Variants in VWA8 observed in about 807,000 individuals in gnomAD.
The protein encoded by VWA8 is von Willebrand factor A domain containing 8.
VWA8 carries 221 observed loss-of-function variants against 241.5 expected under a neutral mutation model. That is an observed-to-expected ratio of 0.91 (90% CI 0.82 to 1.02). The LOEUF (loss-of-function observed/expected upper bound fraction) is 1.02, where lower values mean the gene tolerates loss of function less well. Ranked by LOEUF, VWA8 falls within the 50% of genes least tolerant of loss-of-function variation. The pLI is 0.00. For missense variants in VWA8, 2,322 were observed against 2,328.7 expected, an observed-to-expected ratio of 1.00 and a Z score of 0.06; for synonymous variants, 852 against 827.1, an observed-to-expected ratio of 1.03 and a Z score of -0.52.
At chr13:41,636,030 C>G (rs2044754291) in intron 37 of VWA8, among the ~76,000 whole-genome samples, 1 of 152,124 alleles carries the variant, frequency 6.6e-6, no homozygotes, top group South Asian at 2.1e-4. Context: ...CATCTTAAAT[C>G]AAAGCCGAAT....
chr13:41,856,480 GAA>G (rs1300158231), intron 12 of VWA8, among the ~76,000 whole-genome samples: 2 of 152,146 alleles, frequency 1.3e-5, no homozygotes, highest in African/African-American at 4.8e-5. Context: ...TTTCCAAATG[GAA>G]AGAGTATTCA....
intron 37 of VWA8, among the ~76,000 whole-genome samples, chr13:41,628,923 C>T (rs1025614672): frequency 3.9e-5 from 6 of 152,078 alleles, no homozygotes; most frequent in African/African-American, 9.7e-5. Context: ...CGCCTGTAGT[C>T]CCAGCTACTC....
intron 4 of VWA8, among the ~76,000 whole-genome samples, chr13:41,897,925 C>G (rs1875201889): frequency 6.6e-6 from 1 of 152,104 alleles, no homozygotes; most frequent in African/African-American, 2.4e-5. Flanking sequence ...TTGGTAGAGC[C>G]GAGTGGTCTG....
At chr13:41,671,406 T>C (rs2045022723) in intron 36 of VWA8, among the ~76,000 whole-genome samples, 1 of 152,122 alleles carries the variant, frequency 6.6e-6, no homozygotes, top group African/African-American at 2.4e-5. Context: ...CCAGAAAGAC[T>C]ATTTTAAGAA....
At chr13:41,834,298 T>C (rs986564133) in intron 12 of VWA8, among the ~76,000 whole-genome samples, 1 of 152,250 alleles carries the variant, frequency 6.6e-6, no homozygotes, top group African/African-American at 2.4e-5. Context: ...CTAATGTGGA[T>C]AGTTTCTTTT....
At chr13:41,849,661 G>A (rs573156924) in intron 12 of VWA8, among the ~76,000 whole-genome samples, 67 of 152,330 alleles carry the variant, frequency 4.4e-4, no homozygotes, top group Non-Finnish European at 7.5e-4. Context: ...GGCCGAGGCC[G>A]GTGGATCATG....
intron 22 of VWA8, among the ~76,000 whole-genome samples, 195 bp downstream of exon 22, chr13:41,731,885 G>C (rs547647736): frequency 6.6e-6 from 1 of 152,122 alleles, no homozygotes; most frequent in Non-Finnish European, 1.5e-5. Flanking sequence ...GTGATGGTGA[G>C]GCCTCCAGAG....
chr13:41,889,092 C>T lies in VWA8; in HGVS notation c.652-1731G>A, dbSNP rs964215466. Among the ~76,000 whole-genome samples, 11 of 152,208 alleles carry T rather than the reference C, an allele frequency of 7.2e-5. No homozygotes were observed. The South Asian group carries it at 2.1e-3, about 29-fold the overall frequency. On this transcript the variant is annotated intron_variant, in intron 5 of 44. Transcript: ENST00000379310. ...TTCTACTATAATCACCTTTATGAAA[C>T]CAATAACATTTTTGAGATATTAAAT... is the stretch of plus-strand genomic sequence containing the variant.
intron 26 of VWA8, among the ~76,000 whole-genome samples, chr13:41,705,006 T>G (rs555422426): frequency 1.3e-5 from 2 of 152,328 alleles, no homozygotes; most frequent in African/African-American, 4.8e-5. Context: ...ATATGCTTAA[T>G]AAGATCATGT....
chr13:41,630,122 A>T (rs2044716889), intron 37 of VWA8, among the ~76,000 whole-genome samples: 1 of 152,142 alleles, frequency 6.6e-6, no homozygotes, highest in Admixed American at 6.5e-5. Flanking sequence ...GTGGGTTGGG[A>T]GCATATGAGG....
At chr13:41,863,643 T>C (rs1214061802) in intron 12 of VWA8, among the ~76,000 whole-genome samples, 2 of 151,174 alleles carry the variant, frequency 1.3e-5, no homozygotes, top group African/African-American at 4.9e-5. Flanking sequence ...CATGCAGCCA[T>C]AAAAAGGAAG....
chr13:41,856,913 T>C (rs139074616), intron 12 of VWA8, among the ~76,000 whole-genome samples: 137 of 152,192 alleles, frequency 9.0e-4, no homozygotes, highest in Non-Finnish European at 1.5e-3. Context: ...CAATCTATTG[T>C]CTAAATCATA....
At chr13:41,730,448 GT>G (rs59477613) in intron 22 of VWA8, among the ~76,000 whole-genome samples, 12,720 of 152,018 alleles carry the variant, frequency 0.084, 546 homozygotes, top group Middle Eastern at 0.11. Flanking sequence ...ATGCGGAATA[GT>G]TTGGCCAAAA....
chr13:41,607,705 G>A (rs1027318598), intron 39 of VWA8, among the ~76,000 whole-genome samples: 2 of 152,178 alleles, frequency 1.3e-5, no homozygotes, highest in African/African-American at 4.8e-5. Flanking sequence ...TTATGGATAC[G>A]ACTCTGTAAA....
At chr13:41,618,784 A>G (rs1416528209) in intron 37 of VWA8, among the ~76,000 whole-genome samples, 3 of 152,132 alleles carry the variant, frequency 2.0e-5, no homozygotes, top group Non-Finnish European at 4.4e-5. Context: ...AGATGGTTGT[A>G]GATGTGTGGT....
chr13:41,787,740 A>G (rs183107597), intron 17 of VWA8, among the ~76,000 whole-genome samples, 197 bp from the exon 18 acceptor site: 1 of 152,196 alleles, frequency 6.6e-6, no homozygotes, highest in Non-Finnish European at 1.5e-5. Flanking sequence ...CGTGTGAATT[A>G]TATGTTTGTG....
chr13:41,783,877 C>G lies in VWA8; in HGVS notation c.2195G>C (p.Arg732Thr), dbSNP rs1395492887. 1.9e-6 allele frequency: 3 copies of G among 1,613,546 alleles called. No homozygotes were observed. The highest frequency in any genetic ancestry group is 2.5e-6 in the Non-Finnish European group (3 of 1,179,756). ...GATCGGTGCACTAACAGCACCAATC[C>G]TCAGAGTTCCAGATGTTACTTCACC... Reference protein sequence around the residue: ...YKCEVTSGTLRIGAVSAPIYN... With the variant: ...YKCEVTSGTLTIGAVSAPIYN... Residue 732 changes from arginine (R) to threonine (T), a missense_variant, in exon 19 of 45, where the codon AGG becomes ACG. Transcript: ENST00000379310.
At chr13:41,839,706 T>C (rs1420998605) in intron 12 of VWA8, among the ~76,000 whole-genome samples, 2 of 152,166 alleles carry the variant, frequency 1.3e-5, no homozygotes, top group Non-Finnish European at 2.9e-5. Context: ...TGGTTGTACA[T>C]GTGTGGTGTT....
At chr13:41,715,948 GAATTA>G (rs1248414155) in intron 26 of VWA8, among the ~76,000 whole-genome samples, 5 of 151,936 alleles carry the variant, frequency 3.3e-5, no homozygotes, top group South Asian at 4.2e-4. Context: ...AAATGTCACA[GAATTA>G]AATTCAACCC....
Sources: gnomAD v4.1 joint callset for allele counts (sites outside exome capture counted in the v4.1 genomes callset) on GRCh38, gnomAD v4.1.1 for gene constraint, MANE v1.5 for transcripts, NCBI Gene and HGNC (gene_info 2026-07-23, HGNC 2026-07-21) for gene names.